The following EFCAB6 variants were observed in gnomAD, a reference collection of about 807,000 sequenced individuals.
EFCAB6 encodes EF-hand calcium-binding domain-containing protein 6.
EFCAB6 carries 156 observed loss-of-function variants against 169.8 expected under a neutral mutation model. The observed-to-expected ratio is 0.92, with a 90% CI of 0.81 to 1.05. EFCAB6 has a LOEUF of 1.05. EFCAB6 is among the 50% of genes least tolerant of loss of function. The pLI, the probability that EFCAB6 is intolerant of heterozygous loss-of-function variation, is 0.00. For missense variants in EFCAB6, 1,800 were observed against 1,829.1 expected, an observed-to-expected ratio of 0.98 and a Z score of 0.29; for synonymous variants, 698 against 676.4, an observed-to-expected ratio of 1.03 and a Z score of -0.50.
intron 6 of EFCAB6, among the ~76,000 whole-genome samples, chr22:43,753,308 G>A (rs779119960): frequency 1.7e-4 from 26 of 152,194 alleles, no homozygotes; most frequent in Non-Finnish European, 3.5e-4. Context: ...TGGCCAAAAC[G>A]AAAAGCAAGG....
intron 21 of EFCAB6, among the ~76,000 whole-genome samples, chr22:43,614,998 G>A (rs542169479): frequency 1.3e-5 from 2 of 152,354 alleles, no homozygotes; most frequent in South Asian, 4.1e-4. Flanking sequence ...CAGGACAGGA[G>A]GTTGGGTAGA....
chr22:43,754,625 A>G (rs1172495824), intron 6 of EFCAB6, among the ~76,000 whole-genome samples: 2 of 152,224 alleles, frequency 1.3e-5, no homozygotes, highest in Non-Finnish European at 2.9e-5. Context: ...GATGGACAGC[A>G]ATGGAGTTCC....
At chr22:43,675,510 A>T (rs2057714191) in intron 13 of EFCAB6, among the ~76,000 whole-genome samples, 1 of 140,810 alleles carries the variant, frequency 7.1e-6, no homozygotes. Flanking sequence ...ATTTAATATA[A>T]TATAGGATTT....
chr22:43,560,828 G>A (rs1235120264), intron 26 of EFCAB6, among the ~76,000 whole-genome samples: 1 of 152,178 alleles, frequency 6.6e-6, no homozygotes, highest in Non-Finnish European at 1.5e-5. Context: ...TTTCCTAGAC[G>A]TGCAGAGAGC....
At chr22:43,530,675 T>G in intron 31 of EFCAB6, 140 bp downstream of exon 31, 2 of 1,489,612 alleles carry the variant, frequency 1.3e-6, no homozygotes, top group Non-Finnish European at 1.8e-6. Flanking sequence ...AACTTGGGGG[T>G]CCCAGGGAAG....
At chr22:43,810,448 C>A (rs1433413903) in intron 1 of EFCAB6, among the ~76,000 whole-genome samples, 1 of 152,168 alleles carries the variant, frequency 6.6e-6, no homozygotes, top group Non-Finnish European at 1.5e-5. Flanking sequence ...GTATCATATT[C>A]ATGTTATCTC....
At chr22:43,614,177 CAAAA>C (rs56164555) in intron 21 of EFCAB6, among the ~76,000 whole-genome samples, 4 of 68,786 alleles carry the variant, frequency 5.8e-5, no homozygotes, top group Non-Finnish European at 9.7e-5. Context: ...CACAATACTG[CAAAA>C]AAAAAAAAAA....
At chr22:43,534,254 G>A (rs560536278) in intron 30 of EFCAB6, among the ~76,000 whole-genome samples, 2 of 152,240 alleles carry the variant, frequency 1.3e-5, no homozygotes, top group African/African-American at 4.8e-5. Flanking sequence ...AAAGTATTTG[G>A]CAGTTCCCAC....
At chr22:43,592,175 G>C (rs1471346477) in intron 23 of EFCAB6, among the ~76,000 whole-genome samples, 2 of 152,210 alleles carry the variant, frequency 1.3e-5, no homozygotes, top group Admixed American at 1.3e-4. Context: ...ATTCAGGGTG[G>C]TGAAGGAGAG....
At chr22:43,676,000 C>T (rs978337481) in intron 13 of EFCAB6, among the ~76,000 whole-genome samples, 1 of 151,818 alleles carries the variant, frequency 6.6e-6, no homozygotes. Context: ...CAAGGACATG[C>T]GCAGAACACT....
chr22:43,649,016 G>GTT (rs2056327524), intron 17 of EFCAB6, among the ~76,000 whole-genome samples: 1 of 152,076 alleles, frequency 6.6e-6, no homozygotes, highest in Non-Finnish European at 1.5e-5. Flanking sequence ...CCAGGCTTGA[G>GTT]TTGGTGCAAA....
At position 43,600,327 on chromosome 22, in the gene EFCAB6, G is replaced by T. The variant is rs559783456; in HGVS notation, c.2682-64C>A. ...GCCAGTAAGGTGTGCTGATGCTCAG[G>T]GTTTGGAAAATGCCTGCACCATCCA... On this transcript the variant is annotated intron_variant, in intron 22 of 31. Transcript: ENST00000262726. The T allele has an allele frequency of 2.6e-6, 4 of 1,546,444 alleles. No individual in the cohort carries two copies. The East Asian group carries it at 6.7e-5, about 26-fold the overall frequency.
chr22:43,798,513 C>T (rs9614188), intron 2 of EFCAB6, among the ~76,000 whole-genome samples: 45,339 of 152,006 alleles, frequency 0.3, 7,103 homozygotes, highest in Middle Eastern at 0.38. Context: ...TTCCCTTCCA[C>T]GCTTTCACAA....
chr22:43,715,946 T>C (rs2059319805), intron 9 of EFCAB6, among the ~76,000 whole-genome samples: 4 of 152,236 alleles, frequency 2.6e-5, no homozygotes, highest in Admixed American at 2.6e-4. Flanking sequence ...GTTCTATGAA[T>C]GTTGGGAATT....
chr22:43,574,470 G>A (rs1441294128), intron 26 of EFCAB6, among the ~76,000 whole-genome samples: 4 of 152,156 alleles, frequency 2.6e-5, no homozygotes, highest in African/African-American at 9.7e-5. Context: ...ACAGTGAGAT[G>A]AGAAATCGCA....
At chr22:43,679,676 C>T (rs1381348725) in intron 12 of EFCAB6, among the ~76,000 whole-genome samples, 1 of 152,096 alleles carries the variant, frequency 6.6e-6, no homozygotes, top group Non-Finnish European at 1.5e-5. Flanking sequence ...TTATAGCCAT[C>T]CTAGAGGGTG....
At chr22:43,630,666 C>T (rs1253901068) in intron 19 of EFCAB6, among the ~76,000 whole-genome samples, 5 of 152,206 alleles carry the variant, frequency 3.3e-5, no homozygotes, top group Non-Finnish European at 7.3e-5. Flanking sequence ...GGAGTCTGCT[C>T]CTGGAGCCTT....
At chr22:43,647,384 CAAAG>C (rs2148025930) in intron 17 of EFCAB6, among the ~76,000 whole-genome samples, 1 of 152,206 alleles carries the variant, frequency 6.6e-6, no homozygotes, top group Non-Finnish European at 1.5e-5. Context: ...TTGAAGAAGA[CAAAG>C]AGCGGATAAA....
chr22:43,544,968 G>GA lies in EFCAB6; in HGVS notation c.3649-4612dup, dbSNP rs1049390179. On this transcript the variant is annotated intron_variant, in intron 27 of 31. Coordinates refer to ENST00000262726, the MANE Select transcript of EFCAB6 (RefSeq NM_022785.4). The stretch of plus-strand genomic sequence containing the variant: ...AAACCCCGTCTCTACTAAAAATACA[G>GA]AAAAAATAAAATAAAAAAGAAAAAA... 1.9e-3 allele frequency among the ~76,000 whole-genome samples: 252 copies of GA among 130,722 alleles called. 3 individuals are homozygous for GA. Among genetic ancestry groups the GA allele is most frequent in the African/African-American group, 6.6e-3 (232 of 35,212 alleles). The allele number at this position is 130,722 out of a possible 152,430, so 85.8% of individuals were successfully genotyped here. A position where few individuals can be genotyped will look rare whatever the true frequency, so the allele number is the denominator to read the frequency against.
Sources: gnomAD v4.1 joint callset for allele counts (sites outside exome capture counted in the v4.1 genomes callset) on GRCh38, gnomAD v4.1.1 for gene constraint, MANE v1.5 for transcripts, NCBI Gene and HGNC (gene_info 2026-07-23, HGNC 2026-07-21) for gene names.